SHISA9: variants seen among roughly 807,000 people sequenced by gnomAD.
The protein encoded by SHISA9 is shisa family member 9, also known as protein shisa-9.
Under a neutral mutation model 38.0 loss-of-function variants are expected in SHISA9, and 13 were observed. That is an observed-to-expected ratio of 0.34 (90% CI 0.22 to 0.54). The LOEUF (loss-of-function observed/expected upper bound fraction) is 0.54, where lower values mean the gene tolerates loss of function less well. Ranked by LOEUF, SHISA9 falls within the 20% of genes least tolerant of loss-of-function variation. The probability of loss-of-function intolerance (pLI) is 0.91; values close to 1 mark genes in which losing one functional copy is unlikely to be tolerated. For missense variants in SHISA9, 538 were observed against 575.8 expected, an observed-to-expected ratio of 0.93 and a Z score of 0.67; for synonymous variants, 275 against 242.0, an observed-to-expected ratio of 1.14 and a Z score of -1.27.
At chr16:13,356,938 A>C in the SHISA9 span, among the ~76,000 whole-genome samples, 2 of 152,268 alleles carry the variant, frequency 1.3e-5, no homozygotes, top group Middle Eastern at 3.4e-3. Context: ...TTGCAGAAGA[A>C]AAGGCATTTA....
At chr16:13,527,594 G>A in the SHISA9 span, among the ~76,000 whole-genome samples, 1 of 152,150 alleles carries the variant, frequency 6.6e-6, no homozygotes, top group East Asian at 1.9e-4. Flanking sequence ...AAGGAAGCTA[G>A]TCTGCAGTGA....
the SHISA9 span, among the ~76,000 whole-genome samples, chr16:13,379,300 A>G: frequency 2.6e-5 from 4 of 152,258 alleles, no homozygotes; most frequent in Admixed American, 1.3e-4. Context: ...CAAAGTTTTC[A>G]TGAATAATGC....
chr16:12,924,763 A>G (rs2071372539), intron 2 of SHISA9, among the ~76,000 whole-genome samples: 1 of 152,204 alleles, frequency 6.6e-6, no homozygotes, highest in Non-Finnish European at 1.5e-5. Flanking sequence ...GACATTGAAC[A>G]TGGCTTTGAG....
intron 2 of SHISA9, among the ~76,000 whole-genome samples, chr16:13,094,821 G>A (rs2073809879): frequency 6.6e-6 from 1 of 152,156 alleles, no homozygotes; most frequent in Admixed American, 6.5e-5. Flanking sequence ...CTTACTAGCT[G>A]TGTATCCTTG....
chr16:13,347,848 C>T, the SHISA9 span, among the ~76,000 whole-genome samples: 1 of 15,168 alleles, frequency 6.6e-5, no homozygotes, highest in Non-Finnish European at 2.9e-4. Context: ...TACCCCCCCA[C>T]AAAGATGTCC....
intron 2 of SHISA9, among the ~76,000 whole-genome samples, chr16:13,166,919 T>C (rs1210575637): frequency 6.6e-6 from 1 of 152,062 alleles, no homozygotes; most frequent in Non-Finnish European, 1.5e-5. Flanking sequence ...CAAACCACCA[T>C]AACACACATT....
At chr16:13,407,278 C>T in the SHISA9 span, among the ~76,000 whole-genome samples, 1 of 151,954 alleles carries the variant, frequency 6.6e-6, no homozygotes, top group African/African-American at 2.4e-5. Context: ...AGATGGCTTC[C>T]CTCTGGCTGT....
intron 2 of SHISA9, among the ~76,000 whole-genome samples, chr16:13,119,646 C>A (rs2074066382): frequency 6.6e-6 from 1 of 152,158 alleles, no homozygotes; most frequent in African/African-American, 2.4e-5. Flanking sequence ...TATAGTACCT[C>A]CCAAAAGATG....
chr16:12,928,392 A>G (rs1276496874), intron 2 of SHISA9, among the ~76,000 whole-genome samples: 1 of 152,060 alleles, frequency 6.6e-6, no homozygotes, highest in African/African-American at 2.4e-5. Flanking sequence ...TGCATTTTAC[A>G]AATAATGACA....
chr16:13,282,822 C>T, the SHISA9 span, among the ~76,000 whole-genome samples: 1 of 152,062 alleles, frequency 6.6e-6, no homozygotes. Context: ...TAAGTTCTAG[C>T]CTTTTCATTT....
At chr16:12,958,046 A>T (rs1389970447) in intron 2 of SHISA9, among the ~76,000 whole-genome samples, 1 of 152,250 alleles carries the variant, frequency 6.6e-6, no homozygotes, top group Non-Finnish European at 1.5e-5. Context: ...TTCAGTTCAT[A>T]ACACAGATAA....
chr16:13,156,380 C>G (rs1037597635), intron 2 of SHISA9, among the ~76,000 whole-genome samples: 2 of 152,098 alleles, frequency 1.3e-5, no homozygotes, highest in South Asian at 2.1e-4. Context: ...TGTGTGTACA[C>G]GCGTATATGC....
intron 1 of SHISA9, among the ~76,000 whole-genome samples, chr16:12,912,476 C>T (rs957033113): frequency 5.3e-5 from 8 of 152,048 alleles, no homozygotes; most frequent in Admixed American, 2.0e-4. Context: ...TTAGAAAATC[C>T]GATAAAAGTG....
chr16:13,110,770 C>CA (rs2073970655), intron 2 of SHISA9, among the ~76,000 whole-genome samples: 2 of 152,320 alleles, frequency 1.3e-5, no homozygotes, highest in South Asian at 4.1e-4. Context: ...AATTTGGTCT[C>CA]AGACAGCTGG....
chr16:13,047,017 G>A (rs1258255220), intron 2 of SHISA9, among the ~76,000 whole-genome samples: 2 of 152,078 alleles, frequency 1.3e-5, no homozygotes, highest in African/African-American at 2.4e-5. Context: ...CTGATAAATC[G>A]TATTCATTTT....
At chr16:13,252,929 CT>C in the SHISA9 span, among the ~76,000 whole-genome samples, 1 of 152,078 alleles carries the variant, frequency 6.6e-6, no homozygotes, top group African/African-American at 2.4e-5. Context: ...GCATTTTCTT[CT>C]GCCTGTACCA....
chr16:13,215,305 G>T (rs779435696), intron 4 of SHISA9, among the ~76,000 whole-genome samples: 8 of 152,190 alleles, frequency 5.3e-5, no homozygotes, highest in Non-Finnish European at 8.8e-5. Context: ...CTGAGTTGTT[G>T]CAGGGAGGAG....
chr16:13,378,735 A>G, the SHISA9 span, among the ~76,000 whole-genome samples: 3 of 152,228 alleles, frequency 2.0e-5, no homozygotes, highest in South Asian at 2.1e-4. Context: ...AGCACAATGT[A>G]TGAAACCTAT....
the SHISA9 span, among the ~76,000 whole-genome samples, chr16:13,363,954 T>G: frequency 6.6e-6 from 1 of 152,212 alleles, no homozygotes; most frequent in Admixed American, 6.5e-5. Flanking sequence ...TCAGAAACTC[T>G]GGGGACAGAG....
Sources: gnomAD v4.1 joint callset for allele counts (sites outside exome capture counted in the v4.1 genomes callset) on GRCh38, gnomAD v4.1.1 for gene constraint, MANE v1.5 for transcripts, NCBI Gene and HGNC (gene_info 2026-07-23, HGNC 2026-07-21) for gene names.